The following ZNF723 variants were observed in gnomAD, a reference collection of about 807,000 sequenced individuals.
ZNF723 encodes zinc finger protein 723, also known as zinc finger protein 723, pseudogene.
Under a neutral mutation model 9.4 loss-of-function variants are expected in ZNF723, and 5 were observed. The observed-to-expected ratio is 0.53, with a 90% CI of 0.28 to 1.12. The LOEUF (loss-of-function observed/expected upper bound fraction) is 1.12, where lower values mean the gene tolerates loss of function less well. ZNF723 is among the 50% of genes most tolerant of loss of function. The pLI is 0.10. For synonymous variants in ZNF723, 158 were observed against 168.8 expected, an observed-to-expected ratio of 0.94 and a Z score of 0.49; for missense variants, 450 against 501.5, an observed-to-expected ratio of 0.90 and a Z score of 0.98.
chr19:22,841,833 C>A lies in ZNF723; in HGVS notation c.4-6428C>A, dbSNP rs10419486. Among the ~76,000 whole-genome samples the A allele has an allele frequency of 1.1e-3, 166 of 152,246 alleles. 1 individual carries two copies. Among genetic ancestry groups the A allele is most frequent in the African/African-American group, 3.9e-3 (161 of 41,548 alleles). Reference sequence around the variant, plus strand: ...AAAATACCCACAAATATGCAAGTAACACCTGCTGCAGATCCAAATTCTGAA... The same window carrying A: ...AAAATACCCACAAATATGCAAGTAAAACCTGCTGCAGATCCAAATTCTGAA... On this transcript the variant is annotated intron_variant, in intron 1 of 3. Coordinates refer to ENST00000600766, the MANE Select transcript of ZNF723 (RefSeq NM_001349726.2).
intron 3 of ZNF723, among the ~76,000 whole-genome samples, chr19:22,851,466 C>G (rs1464059784): frequency 6.6e-6 from 1 of 152,076 alleles, no homozygotes; most frequent in African/African-American, 2.4e-5. Flanking sequence ...GGCACCGCGC[C>G]CAGCCTATAT....
intron 1 of ZNF723, 25 bp from the exon 2 acceptor site, chr19:22,848,234 GTA>G (rs1335675688): frequency 1.1e-6 from 1 of 884,252 alleles, no homozygotes; most frequent in Non-Finnish European, 1.8e-6. Flanking sequence ...AAATATGTGT[GTA>G]TGTGTGTGTG....
At chr19:22,843,847 T>A (rs1967276656) in intron 1 of ZNF723, among the ~76,000 whole-genome samples, 1 of 149,752 alleles carries the variant, frequency 6.7e-6, no homozygotes. Context: ...TTAGTATGCA[T>A]TATATAATGG....
intron 3 of ZNF723, among the ~76,000 whole-genome samples, chr19:22,850,083 T>TA (rs1162212776): frequency 1.3e-5 from 2 of 151,840 alleles, no homozygotes; most frequent in Non-Finnish European, 2.9e-5. Context: ...TTGGAATTAT[T>TA]ATATTAAGTA....
At chr19:22,848,067 A>T (rs1157791946) in intron 1 of ZNF723, among the ~76,000 whole-genome samples, 194 bp from the exon 2 acceptor site, 1 of 150,410 alleles carries the variant, frequency 6.6e-6, no homozygotes, top group African/African-American at 2.5e-5. Context: ...GCACCATTGT[A>T]CTCCAGCCTG....
the ZNF723 span, among the ~76,000 whole-genome samples, chr19:22,826,714 C>T: frequency 6.6e-6 from 1 of 152,224 alleles, no homozygotes; most frequent in South Asian, 2.1e-4. Flanking sequence ...TGATAACTGT[C>T]ATACCTGGAT....
intron 1 of ZNF723, among the ~76,000 whole-genome samples, chr19:22,836,940 A>C (rs1490705980): frequency 2.0e-5 from 3 of 152,112 alleles, no homozygotes; most frequent in Admixed American, 6.6e-5. Flanking sequence ...GAGTAGCTCT[A>C]TCAAGTTATT....
intron 1 of ZNF723, among the ~76,000 whole-genome samples, chr19:22,832,587 G>C (rs897788261): frequency 6.6e-6 from 1 of 152,168 alleles, no homozygotes; most frequent in Admixed American, 6.5e-5. Flanking sequence ...CTCTTCCCTG[G>C]CAGTGACCGT....
the ZNF723 span, among the ~76,000 whole-genome samples, chr19:22,813,258 C>T: frequency 6.6e-6 from 1 of 152,146 alleles, no homozygotes; most frequent in Non-Finnish European, 1.5e-5. Flanking sequence ...TCCAAATTGT[C>T]TTGCAGGTGT....
chr19:22,854,017 T>G (rs975738319), intron 3 of ZNF723, among the ~76,000 whole-genome samples: 7 of 152,198 alleles, frequency 4.6e-5, no homozygotes, highest in African/African-American at 1.4e-4. Flanking sequence ...TCTCTTTCCT[T>G]ATTAATATTC....
chr19:22,813,762 A>C, the ZNF723 span, among the ~76,000 whole-genome samples: 7 of 152,088 alleles, frequency 4.6e-5, no homozygotes, highest in African/African-American at 9.6e-5. Context: ...AACAAACAAA[A>C]AAACTGACTA....
chr19:22,850,111 G>GTTT (rs11451632), intron 3 of ZNF723, among the ~76,000 whole-genome samples: 1 of 145,884 alleles, frequency 6.9e-6, no homozygotes, highest in Non-Finnish European at 1.5e-5. Context: ...CTCCTGGTTT[G>GTTT]TTTTTTTTTT....
upstream of ZNF723, among the ~76,000 whole-genome samples, chr19:22,828,012 G>C (rs546797824): frequency 6.6e-6 from 1 of 151,854 alleles, no homozygotes; most frequent in Non-Finnish European, 1.5e-5. Context: ...CCCGGGAGGC[G>C]GATGTTGCAG....
intron 1 of ZNF723, among the ~76,000 whole-genome samples, chr19:22,843,496 C>G (rs1273160366): frequency 1.3e-5 from 2 of 152,102 alleles, no homozygotes; most frequent in Non-Finnish European, 2.9e-5. Context: ...GAGACTCAAA[C>G]AAATAAACAA....
In ZNF723 at chr19:22,857,469, G is replaced by T; in HGVS notation, c.578G>T (p.Arg193Ile). The change falls in exon 4 of 4, where the codon AGA (arginine) becomes ATA (isoleucine). Residue 193 changes from arginine to isoleucine, a missense_variant. Arg to Ile is a moderately conservative substitution (Grantham distance 97). Around this residue, in one of 5 missense-constraint regions of ZNF723, gnomAD observed 143 missense variants for 101.3 expected, o/e 1.41. Coordinates refer to ENST00000600766, the MANE Select transcript of ZNF723 (RefSeq NM_001349726.2). Reference sequence around the variant, plus strand: ...CTTTCACACCTAACTAAACATGAAAGAAATCATACTAGAGTGAATTGTTAC... The same window carrying T: ...CTTTCACACCTAACTAAACATGAAATAAATCATACTAGAGTGAATTGTTAC... Reference protein sequence around the residue: ...CMLSHLTKHERNHTRVNCYKC... With the variant: ...CMLSHLTKHEINHTRVNCYKC... The T allele has an allele frequency of 9.2e-7, 1 of 1,083,724 alleles. No individual in the cohort carries two copies. The highest frequency in any genetic ancestry group is 1.3e-5 in the South Asian group (1 of 79,010). 67.1% of individuals were successfully genotyped at this position (1,083,724 alleles called of 1,614,324 possible). A position where few individuals can be genotyped will look rare whatever the true frequency, so the allele number is the denominator to read the frequency against.
At chr19:22,841,037 G>C (rs529044013) in intron 1 of ZNF723, 1 of 152,480 alleles carries the variant, frequency 6.6e-6, no homozygotes, top group South Asian at 2.1e-4. Flanking sequence ...CAGATAGTAG[G>C]CGTCAAGAGA....
At chr19:22,812,954 T>TGTTTGTTTGTTTG in the ZNF723 span, among the ~76,000 whole-genome samples, 1 of 151,186 alleles carries the variant, frequency 6.6e-6, no homozygotes, top group Non-Finnish European at 1.5e-5. Context: ...AAGGTGTTTT[T>TGTTTGTTTGTTTG]TTTGTTTGTT....
chr19:22,847,130 T>C (rs2145221328), intron 1 of ZNF723, among the ~76,000 whole-genome samples: 1 of 151,786 alleles, frequency 6.6e-6, no homozygotes, highest in East Asian at 1.9e-4. Context: ...GCTTGGAATG[T>C]AGTGGCGTGA....
At position 22,858,067 on chromosome 19, in the gene ZNF723, T is replaced by C; in HGVS notation, c.1176T>C (p.Thr392=). The change falls in exon 4 of 4, where the codon ACT becomes ACC. Residue 392 remains threonine, a synonymous_variant. Coordinates refer to ENST00000600766, the MANE Select transcript of ZNF723 (RefSeq NM_001349726.2). ...TTACTACACATAAGAGAATTCATACTGGAGAGAAACCCTACAAATGTGAAG... is the reference window on the plus strand; with the variant it reads ...TTACTACACATAAGAGAATTCATACCGGAGAGAAACCCTACAAATGTGAAG... ...VHLTTHKRIH[T]GEKPYKCEEC... The C allele has an allele frequency of 1.3e-6, 2 of 1,516,856 alleles. No homozygotes were observed. Among genetic ancestry groups the C allele is most frequent in the South Asian group, 1.1e-5 (1 of 89,074 alleles). The allele number at this position is 1,516,856 out of a possible 1,614,324, so 94.0% of individuals were successfully genotyped here.
Sources: allele counts gnomAD v4.1 joint callset (sites outside exome capture counted in the v4.1 genomes callset), GRCh38; gene constraint gnomAD v4.1.1; regional missense constraint gnomAD v4.1.1; transcripts MANE v1.5; gene names NCBI Gene and HGNC (gene_info 2026-07-23, HGNC 2026-07-21).